Variants in TAF7L observed in about 807,000 individuals in gnomAD.
TAF7L encodes the protein TATA-box binding protein associated factor 7 like.
TAF7L carries 6 observed loss-of-function variants against 30.2 expected under a neutral mutation model. That is an observed-to-expected ratio of 0.20 (90% CI 0.11 to 0.39). The LOEUF is 0.39. Ranked by LOEUF, TAF7L falls within the 10% of genes least tolerant of loss-of-function variation. The probability of loss-of-function intolerance (pLI) is 1.00; values close to 1 mark genes in which losing one functional copy is unlikely to be tolerated. For missense variants in TAF7L, 284 were observed against 277.1 expected (o/e 1.03, Z -0.18); for synonymous variants, 93 against 94.5 (o/e 0.98, Z 0.09).
At chrX:101,285,462 C>T (rs1328051931) in intron 3 of TAF7L, among the ~76,000 whole-genome samples, 2 of 94,355 alleles carry the variant, frequency 2.1e-5, no homozygotes, top group Non-Finnish European at 4.1e-5. Context: ...CGCGCCACTG[C>T]ACTCCAGCCT....
chrX:101,292,938 G>T, upstream of TAF7L: 2 of 1,210,960 alleles, frequency 1.7e-6, no homozygotes, highest in South Asian at 1.8e-5. Flanking sequence ...CAGACCCACG[G>T]TCGACAAGAA....
chrX:101,271,366 A>T, intron 12 of TAF7L, among the ~76,000 whole-genome samples: 1 of 112,128 alleles, frequency 8.9e-6, no homozygotes. Flanking sequence ...AGTATAGCTT[A>T]CTACACACCT....
intron 1 of TAF7L, among the ~76,000 whole-genome samples, chrX:101,288,481 C>CT (rs1377749443): frequency 2.3e-4 from 23 of 100,845 alleles, no homozygotes; most frequent in Admixed American, 5.4e-4. Flanking sequence ...GACGGAGTCT[C>CT]TTTTTTTTTT....
chrX:101,283,330 G>C (rs1208587955), intron 4 of TAF7L, 120 bp downstream of exon 4: 2 of 785,157 alleles, frequency 2.5e-6, no homozygotes, highest in Non-Finnish European at 3.7e-6. Context: ...AGTCAATCTG[G>C]AAATTAGAAA....
Position 101,275,981 on chromosome X carries a change from A to T in TAF7L, c.1026+19T>A. On this transcript the variant is annotated intron_variant, in intron 11 of 12. Transcript: ENST00000356784. ...GAAAGTAAGATATCAGGATTTCTTT[A>T]TGCCAGCCAAGAATTTACCTTGAGT... The T allele has an allele frequency of 9.1e-7, 1 of 1,104,463 alleles. No individual in the cohort carries two copies. Among genetic ancestry groups the T allele is most frequent in the Non-Finnish European group, 1.2e-6 (1 of 814,521 alleles). 91.0% of individuals were successfully genotyped at this position (1,104,463 alleles called of 1,213,427 possible). A position where few individuals can be genotyped will look rare whatever the true frequency, so the allele number is the denominator to read the frequency against.
intron 1 of TAF7L, among the ~76,000 whole-genome samples, chrX:101,288,432 C>T (rs1409271335): frequency 1.9e-5 from 2 of 106,760 alleles, no homozygotes; most frequent in East Asian, 2.9e-4. Flanking sequence ...CCTGAGCCAC[C>T]GCGCCCAGCA....
chrX:101,276,446 ATCCTCATCT>A lies in TAF7L; in HGVS notation c.765_773del (p.Glu255_Glu257del). On this transcript the variant is annotated inframe_deletion, in exon 10 of 13. Coordinates refer to ENST00000356784, the MANE Select transcript of TAF7L (RefSeq NM_001168474.2). Reference sequence around the variant, plus strand: ...CATCTTCATCCTCATCCTCATCCTCATCCTCATCTTCATCATCCTCATCCTCATCATCAT... The same window carrying A: ...CATCTTCATCCTCATCCTCATCCTCATCATCATCCTCATCCTCATCATCAT... 8.3e-7 allele frequency: 1 copy of A among 1,205,622 alleles called. No homozygotes were observed. Among genetic ancestry groups the A allele is most frequent in the Non-Finnish European group, 1.1e-6 (1 of 891,331 alleles).
chrX:101,282,243 G>A, intron 5 of TAF7L, 84 bp downstream of exon 5: 1 of 1,142,317 alleles, frequency 8.8e-7, no homozygotes. Flanking sequence ...CCTAAGTGTG[G>A]TAAGACGTCC....
intron 7 of TAF7L, 25 bp downstream of exon 7, chrX:101,278,969 T>G: frequency 2.5e-6 from 3 of 1,177,172 alleles, no homozygotes; most frequent in Non-Finnish European, 3.5e-6. Context: ...AGGGTAAAAA[T>G]GAAGTTATAT....
At chrX:101,291,546 C>G (rs1478535183), upstream of TAF7L, among the ~76,000 whole-genome samples, 2 of 112,361 alleles carry the variant, frequency 1.8e-5, no homozygotes, top group Non-Finnish European at 3.8e-5. Flanking sequence ...GCTCAGGGAC[C>G]TCGCGAAGCA....
chrX:101,292,684 C>T (rs1010849196), upstream of TAF7L: 15 of 1,005,967 alleles, frequency 1.5e-5, no homozygotes, highest in Middle Eastern at 1.6e-3. Context: ...GCCCATTGCT[C>T]CTCAAGGGGG....
chrX:101,291,646 C>A (rs1289589192), upstream of TAF7L, among the ~76,000 whole-genome samples: 1 of 110,354 alleles, frequency 9.1e-6, no homozygotes, highest in Non-Finnish European at 1.9e-5. Context: ...GCGGGCAGAT[C>A]TCAAGGTCAA....
chrX:101,292,437 CA>C (rs145821944), upstream of TAF7L, among the ~76,000 whole-genome samples: 8,395 of 35,669 alleles, frequency 0.24, 643 homozygotes, highest in African/African-American at 0.39. Flanking sequence ...GAAACTCCGT[CA>C]AAAAAAAAAA....
chrX:101,269,294 C>A, intron 12 of TAF7L, 57 bp from the exon 13 acceptor site: 1 of 1,056,533 alleles, frequency 9.5e-7, no homozygotes, highest in Non-Finnish European at 1.3e-6. Flanking sequence ...GGTCCCATTA[C>A]TTGATCTAGA....
At chrX:101,269,635 A>G (rs1033764859) in intron 12 of TAF7L, among the ~76,000 whole-genome samples, 26 of 111,185 alleles carry the variant, frequency 2.3e-4, no homozygotes, top group African/African-American at 8.5e-4. Context: ...AGAGAGGAGA[A>G]CTTATGCAGG....
chrX:101,290,630 T>C (rs1169756911), intron 1 of TAF7L, among the ~76,000 whole-genome samples: 1 of 112,638 alleles, frequency 8.9e-6, no homozygotes, highest in African/African-American at 3.2e-5. Flanking sequence ...TCAATGTATT[T>C]GTTTGATAAA....
At chrX:101,272,155 T>A (rs1045738269) in intron 12 of TAF7L, among the ~76,000 whole-genome samples, 4 of 111,259 alleles carry the variant, frequency 3.6e-5, no homozygotes, top group African/African-American at 1.3e-4. Flanking sequence ...TTGACCCTCA[T>A]TTAGCCTATA....
At chrX:101,272,561 G>A (rs1924002754) in intron 12 of TAF7L, among the ~76,000 whole-genome samples, 1 of 111,607 alleles carries the variant, frequency 9.0e-6, no homozygotes, top group South Asian at 3.8e-4. Flanking sequence ...TCACTTGTAT[G>A]AAATAACTAG....
At chrX:101,270,280 GA>G (rs1322382310) in intron 12 of TAF7L, among the ~76,000 whole-genome samples, 2 of 111,541 alleles carry the variant, frequency 1.8e-5, no homozygotes, top group African/African-American at 6.5e-5. Context: ...TTTAGTCTGT[GA>G]AATGAAAGGA....
Sources: allele counts gnomAD v4.1 joint callset (sites outside exome capture counted in the v4.1 genomes callset), GRCh38; gene constraint gnomAD v4.1.1; transcripts MANE v1.5; gene names NCBI Gene and HGNC (gene_info 2026-07-23, HGNC 2026-07-21).